MTA3: variants seen among roughly 807,000 people sequenced by gnomAD.
The protein encoded by MTA3 is metastasis associated 1 family member 3.
A neutral mutation model predicts 83.5 loss-of-function variants in MTA3; 34 were observed. That is an observed-to-expected ratio of 0.41 (90% CI 0.31 to 0.54). The LOEUF (loss-of-function observed/expected upper bound fraction) is 0.54, where lower values mean the gene tolerates loss of function less well. Ranked by LOEUF, MTA3 falls within the 20% of genes least tolerant of loss-of-function variation. The pLI, the probability that MTA3 is intolerant of heterozygous loss-of-function variation, is 0.33. For missense variants in MTA3, 761 were observed against 726.4 expected (o/e 1.05, Z -0.55); for synonymous variants, 303 against 252.7 (o/e 1.20, Z -1.89).
intron 3 of MTA3, among the ~76,000 whole-genome samples, chr2:42,593,321 A>G (rs1205877535): frequency 6.8e-6 from 1 of 147,558 alleles, no homozygotes; most frequent in Non-Finnish European, 1.5e-5. Context: ...ACTGCACTCC[A>G]GCCTGGGTGA....
At chr2:42,752,601 C>G (rs1278211186) in intron 16 of MTA3, among the ~76,000 whole-genome samples, 1 of 152,140 alleles carries the variant, frequency 6.6e-6, no homozygotes. Context: ...GTTCCTGACA[C>G]TGTGGGAGAG....
At chr2:42,540,923 C>T (rs562409317) in intron 2 of MTA3, among the ~76,000 whole-genome samples, 3 of 152,040 alleles carry the variant, frequency 2.0e-5, no homozygotes, top group Admixed American at 1.3e-4. Flanking sequence ...ATTCAATGCA[C>T]GAATTTTGTA....
intron 16 of MTA3, among the ~76,000 whole-genome samples, chr2:42,750,767 G>A (rs979805061): frequency 3.9e-5 from 6 of 152,176 alleles, no homozygotes; most frequent in African/African-American, 1.4e-4. Flanking sequence ...ATGGTGCCTC[G>A]TGTCCCCTAG....
rs138627042 is a variant in MTA3 at position 42,560,775 on chromosome 2, C to T, written c.-140-9662C>T. 3.7e-4 allele frequency among the ~76,000 whole-genome samples: 56 copies of T among 151,810 alleles called. No individual in the cohort carries two copies. The East Asian group carries it at 9.3e-3, about 25-fold the overall frequency. On this transcript the variant is annotated intron_variant, in intron 2 of 17. Transcript: ENST00000405592. ...AAAAAAATTAGCGGGGATATGGTGG[C>T]GCATGCCTGTAATCCCAGCTACTCA... is the stretch of plus-strand genomic sequence containing the variant.
At chr2:42,588,267 G>A (rs1398346890) in intron 3 of MTA3, among the ~76,000 whole-genome samples, 3 of 152,118 alleles carry the variant, frequency 2.0e-5, no homozygotes, top group African/African-American at 4.8e-5. Flanking sequence ...TTACATGTAA[G>A]TAAGTAGATC....
At chr2:42,647,543 G>A (rs1299181926) in intron 6 of MTA3, among the ~76,000 whole-genome samples, 1 of 50,774 alleles carries the variant, frequency 2.0e-5, no homozygotes, top group Non-Finnish European at 3.8e-5. Flanking sequence ...CTCCCACCCC[G>A]CCTCCCACTG....
At chr2:42,588,046 T>C (rs1680548797) in intron 3 of MTA3, among the ~76,000 whole-genome samples, 1 of 152,186 alleles carries the variant, frequency 6.6e-6, no homozygotes, top group Non-Finnish European at 1.5e-5. Context: ...ATTTTTATAA[T>C]AATAGTATAC....
At chr2:42,574,901 C>T (rs1459382459) in intron 2 of MTA3, among the ~76,000 whole-genome samples, 1 of 152,118 alleles carries the variant, frequency 6.6e-6, no homozygotes, top group Non-Finnish European at 1.5e-5. Context: ...AAGAGAATGG[C>T]CTCAAGTGTA....
intron 2 of MTA3, among the ~76,000 whole-genome samples, chr2:42,575,170 C>A (rs1432450758): frequency 6.6e-6 from 1 of 152,176 alleles, no homozygotes; most frequent in African/African-American, 2.4e-5. Flanking sequence ...GGGCTTTTGG[C>A]TGTTTCTCCC....
chr2:42,623,777 G>A (rs1052071411), intron 4 of MTA3, among the ~76,000 whole-genome samples: 2 of 147,264 alleles, frequency 1.4e-5, no homozygotes, highest in South Asian at 2.2e-4. Context: ...GGCAAACTCC[G>A]CCTTCCAGGT....
intron 4 of MTA3, among the ~76,000 whole-genome samples, chr2:42,635,032 A>G (rs1333995588): frequency 6.6e-6 from 1 of 152,134 alleles, no homozygotes; most frequent in Non-Finnish European, 1.5e-5. Flanking sequence ...AAAATGTAAA[A>G]GTTTTTATTC....
intron 3 of MTA3, among the ~76,000 whole-genome samples, chr2:42,588,350 A>C (rs1011015881): frequency 3.3e-5 from 5 of 152,192 alleles, no homozygotes; most frequent in African/African-American, 4.8e-5. Context: ...TGGACATTCT[A>C]CTAAGTACTG....
chr2:42,564,654 C>A (rs1207880199), upstream of MTA3, among the ~76,000 whole-genome samples: 1 of 152,170 alleles, frequency 6.6e-6, no homozygotes, highest in Non-Finnish European at 1.5e-5. Context: ...CACGAACCAA[C>A]AAGATAAAGT....
At chr2:42,610,228 G>T (rs996987781) in intron 4 of MTA3, among the ~76,000 whole-genome samples, 2 of 152,214 alleles carry the variant, frequency 1.3e-5, no homozygotes, top group Non-Finnish European at 2.9e-5. Context: ...GGTCTTCCAG[G>T]TTCTAAGAAA....
chr2:42,633,863 T>C lies in MTA3; in HGVS notation c.318-6310T>C, dbSNP rs562193093. On this transcript the variant is annotated intron_variant, in intron 4 of 16. Coordinates refer to ENST00000405094, the MANE Select transcript of MTA3 (RefSeq NM_001330442.2). Reference sequence around the variant, plus strand: ...GAGACCGCGCCACTGCACTCCAACCTGGGCGACAGAGCGAGACTCTGTCTC... The same window carrying C: ...GAGACCGCGCCACTGCACTCCAACCCGGGCGACAGAGCGAGACTCTGTCTC... Among the ~76,000 whole-genome samples, 5 of 150,854 alleles carry C rather than the reference T, an allele frequency of 3.3e-5. No homozygotes were observed. The East Asian group carries it at 9.7e-4, about 29-fold the overall frequency.
intron 3 of MTA3, among the ~76,000 whole-genome samples, chr2:42,587,404 A>G (rs1680469183): frequency 6.6e-6 from 1 of 151,792 alleles, no homozygotes; most frequent in South Asian, 2.1e-4. Context: ...ACCCCCCAAA[A>G]CCCAGTTCTC....
At chr2:42,515,152 G>A (rs1481779437) in intron 2 of MTA3, among the ~76,000 whole-genome samples, 1 of 151,802 alleles carries the variant, frequency 6.6e-6, no homozygotes. Context: ...TCTGCCTCCC[G>A]GGTTCAAGCA....
chr2:42,526,489 A>G (rs988836538), intron 2 of MTA3, among the ~76,000 whole-genome samples: 2 of 152,160 alleles, frequency 1.3e-5, no homozygotes, highest in African/African-American at 4.8e-5. Flanking sequence ...ACCAACACTC[A>G]GTGTGAACCC....
intron 8 of MTA3, among the ~76,000 whole-genome samples, chr2:42,667,599 T>TGA (rs1247682704): frequency 7.6e-6 from 1 of 132,190 alleles, no homozygotes; most frequent in Non-Finnish European, 1.6e-5. Context: ...TGTGTGTGTG[T>TGA]GTGTGTGTGT....
Sources: gnomAD v4.1 joint callset for allele counts (sites outside exome capture counted in the v4.1 genomes callset) on GRCh38, gnomAD v4.1.1 for gene constraint, MANE v1.5 for transcripts, NCBI Gene and HGNC (gene_info 2026-07-23, HGNC 2026-07-21) for gene names.